STPG2: variants seen among roughly 807,000 people sequenced by gnomAD.
The protein encoded by STPG2 is sperm tail PG-rich repeat containing 2.
In STPG2, 56 loss-of-function variants were observed where a neutral mutation model predicts 54.2. The observed-to-expected ratio is 1.03, with a 90% CI of 0.83 to 1.29. The LOEUF (loss-of-function observed/expected upper bound fraction) is 1.29, where lower values mean the gene tolerates loss of function less well. Among genes scored for constraint, STPG2 ranks in the 50% most tolerant of loss-of-function variants. The pLI is 0.00. For synonymous variants in STPG2, 200 were observed against 181.8 expected (o/e 1.10, Z -0.81); for missense variants, 596 against 544.9 (o/e 1.09, Z -0.93).
chr4:97,987,553 TAAG>T (rs954892020), intron 5 of STPG2, among the ~76,000 whole-genome samples: 9 of 152,272 alleles, frequency 5.9e-5, no homozygotes, highest in African/African-American at 1.9e-4. Context: ...AAATAAATAT[TAAG>T]AAGTACTATT....
At chr4:97,923,748 A>G (rs1420209765) in intron 8 of STPG2, among the ~76,000 whole-genome samples, 1 of 152,190 alleles carries the variant, frequency 6.6e-6, no homozygotes, top group Admixed American at 6.5e-5. Context: ...TGCACCAATC[A>G]GCACTCTGTG....
At chr4:97,737,373 C>T (rs1465211799) in intron 9 of STPG2, among the ~76,000 whole-genome samples, 6 of 152,146 alleles carry the variant, frequency 3.9e-5, no homozygotes, top group South Asian at 2.1e-4. Flanking sequence ...ATGACTTTGA[C>T]GAGTTGAGAG....
chr4:97,460,580 A>G (rs4479710), intron 4 of STPG2, among the ~76,000 whole-genome samples: 40 of 152,240 alleles, frequency 2.6e-4, no homozygotes, highest in South Asian at 4.1e-4. Context: ...TTCTTAAACT[A>G]TTCTTCATGT....
At chr4:97,445,298 T>G (rs1373959161) in intron 4 of STPG2, among the ~76,000 whole-genome samples, 1 of 152,088 alleles carries the variant, frequency 6.6e-6, no homozygotes, top group Non-Finnish European at 1.5e-5. Context: ...AAATTAAAAT[T>G]GACATTATTG....
At chr4:97,743,519 A>G (rs1169523623) in intron 9 of STPG2, among the ~76,000 whole-genome samples, 1 of 151,756 alleles carries the variant, frequency 6.6e-6, no homozygotes, top group Non-Finnish European at 1.5e-5. Flanking sequence ...TCACCTGTCA[A>G]TAGTTGATCT....
chr4:97,879,007 T>C (rs1243496430), intron 8 of STPG2, among the ~76,000 whole-genome samples: 1 of 152,162 alleles, frequency 6.6e-6, no homozygotes, highest in Non-Finnish European at 1.5e-5. Flanking sequence ...CAAAGTTCCA[T>C]AAATCTCTAG....
intron 8 of STPG2, among the ~76,000 whole-genome samples, chr4:97,870,327 A>C (rs1729941829): frequency 6.6e-6 from 1 of 151,582 alleles, no homozygotes; most frequent in Admixed American, 6.6e-5. Context: ...CACAGAAATA[A>C]ATGTGAATAA....
chr4:97,699,870 G>A (rs1723708708), intron 10 of STPG2, among the ~76,000 whole-genome samples: 1 of 152,190 alleles, frequency 6.6e-6, no homozygotes, highest in Admixed American at 6.5e-5. Context: ...ACTTCCTCAT[G>A]TAACTTACTT....
intron 5 of STPG2, among the ~76,000 whole-genome samples, chr4:98,065,092 G>A (rs892643093): frequency 6.6e-6 from 1 of 151,948 alleles, no homozygotes; most frequent in Non-Finnish European, 1.5e-5. Context: ...TTTAAAGGAA[G>A]GATATTCATC....
At chr4:97,563,986 C>G (rs534436111) in intron 10 of STPG2, among the ~76,000 whole-genome samples, 1 of 152,236 alleles carries the variant, frequency 6.6e-6, no homozygotes, top group South Asian at 2.1e-4. Flanking sequence ...TCCTGGATAT[C>G]CTTTTTAACT....
intron 8 of STPG2, among the ~76,000 whole-genome samples, chr4:97,855,498 C>T (rs368685111): frequency 1.6e-4 from 24 of 152,020 alleles, no homozygotes; most frequent in Admixed American, 2.6e-4. Flanking sequence ...TCATGTCCTT[C>T]GCCTACTTTT....
At chr4:97,737,728 C>T (rs1432864070) in intron 9 of STPG2, among the ~76,000 whole-genome samples, 1 of 152,192 alleles carries the variant, frequency 6.6e-6, no homozygotes, top group Non-Finnish European at 1.5e-5. Context: ...ACCATATCTA[C>T]GTCTCATCGG....
At chr4:98,139,766 A>G (rs2110172631) in intron 1 of STPG2, among the ~76,000 whole-genome samples, 1 of 152,358 alleles carries the variant, frequency 6.6e-6, no homozygotes, top group Middle Eastern at 3.4e-3. Context: ...CTATCCTATA[A>G]AACAGTAAAA....
At chr4:97,751,099 C>G (rs933504463) in intron 9 of STPG2, among the ~76,000 whole-genome samples, 1 of 151,772 alleles carries the variant, frequency 6.6e-6, no homozygotes, top group Non-Finnish European at 1.5e-5. Context: ...CAAATAAAAA[C>G]TCTGAATATC....
chr4:97,630,126 T>C (rs1560692939), intron 10 of STPG2, among the ~76,000 whole-genome samples: 1 of 151,938 alleles, frequency 6.6e-6, no homozygotes, highest in South Asian at 2.1e-4. Context: ...ATGGGACTCA[T>C]TGCCTAATTT....
At chr4:97,585,888 T>G (rs563126006) in intron 10 of STPG2, among the ~76,000 whole-genome samples, 80 of 151,902 alleles carry the variant, frequency 5.3e-4, no homozygotes, top group African/African-American at 1.9e-3. Flanking sequence ...AAAAAAAAAT[T>G]TAAATAAAAC....
chr4:97,820,270 C>A (rs1728042597), intron 9 of STPG2, among the ~76,000 whole-genome samples: 1 of 152,128 alleles, frequency 6.6e-6, no homozygotes, highest in Non-Finnish European at 1.5e-5. Context: ...TGACCAGACA[C>A]TCTCCCATCT....
At chr4:97,866,506 G>T (rs1249412120) in intron 8 of STPG2, among the ~76,000 whole-genome samples, 1 of 141,224 alleles carries the variant, frequency 7.1e-6, no homozygotes, top group Non-Finnish European at 1.5e-5. Context: ...TTCAGAAAGG[G>T]TCTATTAGGG....
At chr4:97,725,307 C>T (rs1237799805) in intron 9 of STPG2, among the ~76,000 whole-genome samples, 3 of 150,788 alleles carry the variant, frequency 2.0e-5, no homozygotes, top group Admixed American at 1.3e-4. Context: ...TTTTTTAGTG[C>T]ACCCAAAGAG....
Sources: allele counts gnomAD v4.1 joint callset (sites outside exome capture counted in the v4.1 genomes callset), GRCh38; gene constraint gnomAD v4.1.1; transcripts MANE v1.5; gene names NCBI Gene and HGNC (gene_info 2026-07-23, HGNC 2026-07-21).